The following PPFIA4 variants were observed in gnomAD, a reference collection of about 807,000 sequenced individuals.
The protein encoded by PPFIA4 is PPFI scaffold protein A4, also known as liprin-alpha-4.
PPFIA4 carries 98 observed loss-of-function variants against 145.7 expected under a neutral mutation model. That is an observed-to-expected ratio of 0.67 (90% CI 0.57 to 0.80). PPFIA4 has a LOEUF of 0.80. PPFIA4 is among the 30% of genes least tolerant of loss of function. The probability of loss-of-function intolerance (pLI) is 0.00; values close to 1 mark genes in which losing one functional copy is unlikely to be tolerated. For synonymous variants in PPFIA4, 628 were observed against 649.6 expected (o/e 0.97, Z 0.51); for missense variants, 1,457 against 1,632.7 (o/e 0.89, Z 1.85).
intron 1 of PPFIA4, among the ~76,000 whole-genome samples, chr1:203,032,040 A>ATGTGTGTGTGTGTG (rs1263971166): frequency 5.4e-5 from 2 of 37,308 alleles, no homozygotes; most frequent in African/African-American, 1.6e-4. Context: ...TTCTGAGAGA[A>ATGTGTGTGTGTGTG]CGTGTGTGTG....
At chr1:203,035,654 A>T in intron 1 of PPFIA4, 1 of 456,726 alleles carries the variant, frequency 2.2e-6, no homozygotes. Flanking sequence ...AGTGTTACTT[A>T]GAAATTGTGC....
intron 1 of PPFIA4, among the ~76,000 whole-genome samples, chr1:203,031,373 CT>C: frequency 6.6e-6 from 1 of 152,212 alleles, no homozygotes; most frequent in Non-Finnish European, 1.5e-5. Context: ...ACTGCACTGG[CT>C]TCTCTTCCTT....
chr1:203,046,378 C>A lies in PPFIA4; in HGVS notation c.1136C>A (p.Thr379Asn), dbSNP rs754654357. The change falls in exon 9 of 30, where the codon ACC becomes AAC. Residue 379 changes from threonine to asparagine, a missense_variant. By Grantham distance (65) the Thr-to-Asn change is moderately conservative (BLOSUM62 0). Transcript: ENST00000295706. ...CTGGCCCAGAGAATTGCAGCCCTCA[C>A]CAAGGCAAGTGGGCCAGGGGCCTGG... Reference protein sequence around the residue: ...AELAQRIAALTKAEERHGNIE... With the variant: ...AELAQRIAALNKAEERHGNIE... 3 of 1,586,742 alleles carry A rather than the reference C, an allele frequency of 1.9e-6. No individual in the cohort carries two copies. The South Asian group carries it at 3.5e-5, about 18-fold the overall frequency.
chr1:203,063,304 A>C (rs1389956679), intron 24 of PPFIA4: 1 of 159,566 alleles, frequency 6.3e-6, no homozygotes, highest in Non-Finnish European at 1.4e-5. Context: ...GCTGCTGGCT[A>C]TTCAGGCACA....
chr1:203,073,150 C>T (rs538416913), intron 28 of PPFIA4, among the ~76,000 whole-genome samples: 54 of 152,128 alleles, frequency 3.5e-4, no homozygotes, highest in Non-Finnish European at 5.4e-4. Flanking sequence ...TTAGTGATGA[C>T]GATGTCTCAC....
At position 203,057,503 on chromosome 1, in the gene PPFIA4, A is replaced by C. The variant is rs74900872; in HGVS notation, c.2407+553A>C. Among the ~76,000 whole-genome samples, 633 of 152,358 alleles carry C rather than the reference A, an allele frequency of 4.2e-3. 3 individuals carry two copies. The highest frequency in any genetic ancestry group is 7.5e-3 in the Non-Finnish European group (508 of 68,026). ...AGTACATGCTTGGCATGTGGTGAGTACACGTTAAATGTTAGCTTTCATCTG... is the reference window on the plus strand; with the variant it reads ...AGTACATGCTTGGCATGTGGTGAGTCCACGTTAAATGTTAGCTTTCATCTG... On this transcript the variant is annotated intron_variant, in intron 19 of 29. Transcript: ENST00000295706.
rs941782862 is a variant in PPFIA4 at position 203,035,489 on chromosome 1, C to T, written c.-399-3121C>T. ...TAAAGGCCCAAGGCCTACTTTTTGT[C>T]CAATCCCCCACCCCCACACACGCAC... is the stretch of plus-strand genomic sequence containing the variant. On this transcript the variant is annotated intron_variant, in intron 1 of 29. Transcript: ENST00000295706. The T allele has an allele frequency of 8.2e-5, 25 of 303,522 alleles. No individual in the cohort carries two copies. The East Asian group carries it at 9.0e-4, about 11-fold the overall frequency. The allele number at this position is 303,522 out of a possible 1,614,324, so 18.8% of individuals were successfully genotyped here.
At chr1:203,034,452 G>C in intron 1 of PPFIA4, 2 of 456,020 alleles carry the variant, frequency 4.4e-6, no homozygotes, top group South Asian at 3.1e-5. Flanking sequence ...CTGAGGCATG[G>C]GCAGCTGGGC....
At position 203,075,349 on chromosome 1, in the gene PPFIA4, C is replaced by G. The variant is rs1474215662; in HGVS notation, c.3394-228C>G. ...AGACTCTCCCCCGCCCCACACACCC[C>G]CTCCATCCGCCACCCAGAGACAGGG... On this transcript the variant is annotated intron_variant, in intron 28 of 29. Transcript: ENST00000295706. The surrounding 1 kb of genome is among the most constrained non-coding windows in gnomAD (Gnocchi z 4.1). Among the ~76,000 whole-genome samples the G allele has an allele frequency of 6.6e-6, 1 of 152,184 alleles. No individual in the cohort carries two copies. The highest frequency in any genetic ancestry group is 1.5e-5 in the Non-Finnish European group (1 of 68,020).
rs374629998 is a variant in PPFIA4, at chr1:203,051,797, C to T, written c.1540C>T (p.Arg514Trp). The T allele has an allele frequency of 1.4e-5, 23 of 1,613,402 alleles. No individual in the cohort carries two copies. The highest frequency in any genetic ancestry group is 1.1e-4 in the African/African-American group (8 of 74,946). The change falls in exon 14 of 30, where the codon CGG becomes TGG. Residue 514 changes from arginine (R) to tryptophan (W), a missense_variant. Arg to Trp is a moderately radical substitution (Grantham distance 101). This residue lies in a region of PPFIA4 where 848 missense variants were observed against 1,046.7 expected (regional missense o/e 0.81). Coordinates refer to ENST00000295706, the MANE Select transcript of PPFIA4 (RefSeq NM_001304331.2). ...RSHMGSAADV[R>W]FSLGTTTHAP... ...GCACATGGGCAGTGCAGCAGACGTG[C>T]GGTTCTCCCTGGGCACAACCACACA...
intron 1 of PPFIA4, among the ~76,000 whole-genome samples, chr1:203,029,437 C>T (rs1168003177): frequency 6.6e-6 from 1 of 152,262 alleles, no homozygotes; most frequent in East Asian, 1.9e-4. Flanking sequence ...GACCCCCTGG[C>T]TGTGCCAGAG....
In PPFIA4 at chr1:203,043,598, G is replaced by T; in HGVS notation, c.336+100G>T. ...TGACCAAGAGAGCAGGCAAGAGTGG[G>T]GCCAGGCACAGTCCTAGCTCAAGCC... On this transcript the variant is annotated intron_variant, in intron 3 of 29. Coordinates refer to ENST00000295706, the MANE Select transcript of PPFIA4 (RefSeq NM_001304331.2). This position sits in a 1 kb window ranked among gnomAD's most constrained non-coding sequence, Gnocchi z 4.4. The T allele has an allele frequency of 9.1e-7, 1 of 1,093,428 alleles. No individual in the cohort carries two copies. Among genetic ancestry groups the T allele is most frequent in the Non-Finnish European group, 1.4e-6 (1 of 739,182 alleles). The allele number at this position is 1,093,428 out of a possible 1,614,324, so 67.7% of individuals were successfully genotyped here. A position where few individuals can be genotyped will look rare whatever the true frequency, so the allele number is the denominator to read the frequency against.
At chr1:203,076,285 G>A in intron 29 of PPFIA4, 56 bp from the exon 30 acceptor site, 1 of 1,553,528 alleles carries the variant, frequency 6.4e-7, no homozygotes, top group Non-Finnish European at 8.8e-7. Context: ...AACCTCTCTC[G>A]CAGATGCCCT....
chr1:203,036,301 C>A, intron 1 of PPFIA4, among the ~76,000 whole-genome samples: 1 of 152,200 alleles, frequency 6.6e-6, no homozygotes, highest in East Asian at 1.9e-4. Flanking sequence ...TAGGTGATAA[C>A]AAGCCTGAGA....
In PPFIA4 at chr1:203,049,666, G is replaced by C. The variant is rs749717486; in HGVS notation, c.1420-10G>C. On this transcript the variant is annotated splice_polypyrimidine_tract_variant and intron_variant, in intron 12 of 29. Transcript: ENST00000295706. ...CCACTCCCGCCCCCACCCCGGGTCTGCTGGCACAGGGCCGCCTGTCTGAAG... is the reference window on the plus strand; with the variant it reads ...CCACTCCCGCCCCCACCCCGGGTCTCCTGGCACAGGGCCGCCTGTCTGAAG... 15 of 1,513,608 alleles carry C rather than the reference G, an allele frequency of 9.9e-6. No individual in the cohort carries two copies. Among genetic ancestry groups the C allele is most frequent in the Admixed American group, 6.1e-5 (3 of 49,018 alleles). 93.8% of individuals were successfully genotyped at this position (1,513,608 alleles called of 1,614,324 possible).
At chr1:203,030,815 GT>G (rs2102603432) in intron 1 of PPFIA4, among the ~76,000 whole-genome samples, 1 of 152,330 alleles carries the variant, frequency 6.6e-6, no homozygotes, top group African/African-American at 2.4e-5. Context: ...CATGTATGAT[GT>G]TATGAATCCC....
chr1:203,054,671 GAC>G (rs57027876), intron 15 of PPFIA4, among the ~76,000 whole-genome samples: 24,840 of 148,144 alleles, frequency 0.17, 2,126 homozygotes, highest in African/African-American at 0.21. Context: ...TTACAAAGAA[GAC>G]ACACACACAC....
intron 1 of PPFIA4, among the ~76,000 whole-genome samples, chr1:203,027,063 CTTAATCT>C (rs1359301879): frequency 6.6e-6 from 1 of 152,248 alleles, no homozygotes; most frequent in Admixed American, 6.5e-5. Context: ...TCGCGGGGGT[CTTAATCT>C]TTCCCGAGTT....
chr1:203,073,107 G>T (rs1662284333), intron 28 of PPFIA4, among the ~76,000 whole-genome samples: 1 of 152,188 alleles, frequency 6.6e-6, no homozygotes, highest in East Asian at 1.9e-4. Context: ...TTGAATGCCT[G>T]CCCTGTGCCA....
Sources: allele counts gnomAD v4.1 joint callset (sites outside exome capture counted in the v4.1 genomes callset), GRCh38; gene constraint gnomAD v4.1.1; regional missense constraint gnomAD v4.1.1; non-coding constraint Gnocchi (gnomAD v3.1); transcripts MANE v1.5; gene names NCBI Gene and HGNC (gene_info 2026-07-23, HGNC 2026-07-21).